NFATC1: variants seen among roughly 807,000 people sequenced by gnomAD.
NFATC1 encodes the protein nuclear factor of activated T-cells, cytoplasmic 1.
NFATC1 carries 22 observed loss-of-function variants against 76.0 expected under a neutral mutation model. That is an observed-to-expected ratio of 0.29 (90% CI 0.21 to 0.41). NFATC1 has a LOEUF of 0.41. Among genes scored for constraint, NFATC1 ranks in the 10% least tolerant of loss-of-function variants. The pLI, the probability that NFATC1 is intolerant of heterozygous loss-of-function variation, is 1.00. For missense variants in NFATC1, 1,357 were observed against 1,337.7 expected (o/e 1.01, Z -0.23); for synonymous variants, 704 against 613.1 (o/e 1.15, Z -2.19).
chr18:79,411,562 GCGGGGAGCGGGA>G, intron 2 of NFATC1, 61 bp downstream of exon 2: 1 of 1,238,944 alleles, frequency 8.1e-7, no homozygotes, highest in Non-Finnish European at 1.0e-6. Context: ...GGGGCGGAAC[GCGGGGAGCGGGA>G]CGGGGGGCGG....
chr18:79,416,057 C>T lies in NFATC1; in HGVS notation c.1226+4556C>T, dbSNP rs554463921. On this transcript the variant is annotated intron_variant, in intron 2 of 9. Coordinates refer to ENST00000427363, the MANE Select transcript of NFATC1 (RefSeq NM_001278669.2). ...AGCCTGGGCGAGAGGAGCGAGACTC[C>T]GTCTCCAAACAAACAAAAAAACCCT... Among the ~76,000 whole-genome samples, 3 of 152,330 alleles carry T rather than the reference C, an allele frequency of 2.0e-5. 1 individual carries two copies. The South Asian group carries it at 6.2e-4, about 32-fold the overall frequency.
At chr18:79,467,335 G>GCAGGGTTGCCGTGTGGCCGCCGTGGAAA (rs1568997692) in intron 7 of NFATC1, 115 bp from the exon 8 acceptor site, 2 of 1,019,064 alleles carry the variant, frequency 2.0e-6, no homozygotes, top group African/African-American at 3.9e-5. Flanking sequence ...CCGTGGAAAC[G>GCAGGGTTGCCGTGTGGCCGCCGTGGAAA]CGGGGTTGCC....
intron 1 of NFATC1, among the ~76,000 whole-genome samples, chr18:79,401,191 C>G (rs370475925): frequency 4.4e-4 from 66 of 150,786 alleles, no homozygotes; most frequent in African/African-American, 1.6e-3. Flanking sequence ...TCTCTTCTGT[C>G]CAGGTCACCC....
At chr18:79,434,028 C>T (rs961930882) in intron 3 of NFATC1, among the ~76,000 whole-genome samples, 1 of 152,168 alleles carries the variant, frequency 6.6e-6, no homozygotes, top group Non-Finnish European at 1.5e-5. Context: ...GTTGATTCTC[C>T]CCTCTCTAAA....
chr18:79,401,567 G>A (rs1404507962), intron 1 of NFATC1, among the ~76,000 whole-genome samples: 1 of 152,180 alleles, frequency 6.6e-6, no homozygotes, highest in East Asian at 1.9e-4. Flanking sequence ...TGGCCCTGGC[G>A]CCGCCTTCCA....
chr18:79,451,024 G>A lies in NFATC1; in HGVS notation c.1660G>A (p.Gly554Arg), dbSNP rs2087448699. 3.1e-6 allele frequency: 5 copies of A among 1,613,894 alleles called. No individual in the cohort carries two copies. The highest frequency in any genetic ancestry group is 4.2e-6 in the Non-Finnish European group (5 of 1,180,018). Reference sequence around the variant, plus strand: ...ACTTCGGAAAGGAGAGACGGACATCGGGAGGAAGAACACACGGGTACGGCT... The same window carrying A: ...ACTTCGGAAAGGAGAGACGGACATCAGGAGGAAGAACACACGGGTACGGCT... ...IELRKGETDIGRKNTRVRLVF... is the reference protein window; with the variant it reads ...IELRKGETDIRRKNTRVRLVF... Residue 554 changes from glycine to arginine, a missense_variant, in exon 5 of 10, where the codon GGG becomes AGG. Around this residue, in one of 3 missense-constraint regions of NFATC1, gnomAD observed 242 missense variants for 329.2 expected, o/e 0.74. Coordinates refer to ENST00000427363, the MANE Select transcript of NFATC1 (RefSeq NM_001278669.2).
chr18:79,460,713 G>A (rs1003868032), intron 6 of NFATC1, among the ~76,000 whole-genome samples: 22 of 152,116 alleles, frequency 1.4e-4, no homozygotes, highest in African/African-American at 5.1e-4. Context: ...CAGGGCCAGC[G>A]GCCAGGCCCT....
chr18:79,423,084 G>A (rs1364298673), intron 2 of NFATC1, among the ~76,000 whole-genome samples: 2 of 151,706 alleles, frequency 1.3e-5, no homozygotes, highest in African/African-American at 2.4e-5. Context: ...CGAGATACAG[G>A]GGTGGACCTG....
chr18:79,432,501 TC>T (rs1222055229), intron 2 of NFATC1, among the ~76,000 whole-genome samples: 1 of 151,580 alleles, frequency 6.6e-6, no homozygotes, highest in Non-Finnish European at 1.5e-5. Context: ...CCAGGGAGGG[TC>T]CCACCGCATC....
chr18:79,415,614 C>T (rs1417233265), intron 2 of NFATC1, among the ~76,000 whole-genome samples: 1 of 152,052 alleles, frequency 6.6e-6, no homozygotes, highest in Non-Finnish European at 1.5e-5. Flanking sequence ...GAAACATTGC[C>T]TCTTAGAACT....
intron 2 of NFATC1, among the ~76,000 whole-genome samples, chr18:79,420,154 C>A (rs1420431902): frequency 6.6e-6 from 1 of 151,968 alleles, no homozygotes; most frequent in Non-Finnish European, 1.5e-5. Context: ...TGTTTCCAGG[C>A]GAGGTTGCTG....
rs1555913926 is a variant in NFATC1 at position 79,474,971 on chromosome 18, C to CATT, written c.2092+7389_2092+7390insATT. 1.1e-3 allele frequency among the ~76,000 whole-genome samples: 96 copies of CATT among 89,208 alleles called. 8 individuals carry two copies. The highest frequency in any genetic ancestry group is 9.2e-3 in the African/African-American group (91 of 9,894). 58.5% of individuals were successfully genotyped at this position (89,208 alleles called of 152,430 possible). On this transcript the variant is annotated intron_variant, in intron 8 of 9. Coordinates refer to ENST00000427363, the MANE Select transcript of NFATC1 (RefSeq NM_001278669.2). ...AGCGTGTTCTCACGCTCACTGTCGA[C>CATT]GTAAACCTGAGGGAAGCGTGTTCTC...
intron 9 of NFATC1, 87 bp from the exon 10 acceptor site, chr18:79,527,441 G>C (rs951595103): frequency 2.8e-6 from 3 of 1,078,234 alleles, no homozygotes; most frequent in Non-Finnish European, 4.2e-6. Flanking sequence ...AGGCGTGAGC[G>C]TCACTGATGG....
chr18:79,499,922 A>G (rs1273704527), intron 9 of NFATC1, among the ~76,000 whole-genome samples: 1 of 152,212 alleles, frequency 6.6e-6, no homozygotes, highest in Non-Finnish European at 1.5e-5. Flanking sequence ...AACCTGATAC[A>G]TTGAACAGGA....
At chr18:79,440,539 C>T (rs985903526) in intron 3 of NFATC1, among the ~76,000 whole-genome samples, 10 of 152,264 alleles carry the variant, frequency 6.6e-5, no homozygotes, top group East Asian at 1.9e-4. Context: ...CCGCAGACAC[C>T]GTGGTGCCCC....
chr18:79,461,588 A>G (rs1204265725), intron 7 of NFATC1, among the ~76,000 whole-genome samples: 1 of 152,208 alleles, frequency 6.6e-6, no homozygotes, highest in Non-Finnish European at 1.5e-5. Flanking sequence ...GTGTCAGGTC[A>G]CGTCAGAGCC....
intron 2 of NFATC1, among the ~76,000 whole-genome samples, chr18:79,419,580 G>C (rs1371274362): frequency 2.0e-5 from 3 of 152,166 alleles, no homozygotes; most frequent in Admixed American, 2.0e-4. Flanking sequence ...AACCTGCCTG[G>C]TTAGCTCAGA....
intron 8 of NFATC1, among the ~76,000 whole-genome samples, chr18:79,473,168 G>C (rs1312348452): frequency 6.6e-6 from 1 of 152,250 alleles, no homozygotes; most frequent in Non-Finnish European, 1.5e-5. Flanking sequence ...GGTCGCCACA[G>C]GGGTGAGAAT....
At chr18:79,419,051 G>T (rs1038539667) in intron 2 of NFATC1, among the ~76,000 whole-genome samples, 2 of 152,164 alleles carry the variant, frequency 1.3e-5, no homozygotes, top group Non-Finnish European at 2.9e-5. Flanking sequence ...TTGAGCCAGG[G>T]TCTTGCTCTG....
Sources: allele counts gnomAD v4.1 joint callset (sites outside exome capture counted in the v4.1 genomes callset), GRCh38; gene constraint gnomAD v4.1.1; regional missense constraint gnomAD v4.1.1; transcripts MANE v1.5; gene names NCBI Gene and HGNC (gene_info 2026-07-23, HGNC 2026-07-21).